Variants in SLC38A4 observed in about 807,000 individuals in gnomAD.
SLC38A4 encodes solute carrier family 38 member 4.
Under a neutral mutation model 63.1 loss-of-function variants are expected in SLC38A4, and 20 were observed. That is an observed-to-expected ratio of 0.32 (90% CI 0.22 to 0.46). The LOEUF is 0.46. Among genes scored for constraint, SLC38A4 ranks in the 20% least tolerant of loss-of-function variants. The probability of loss-of-function intolerance (pLI) is 1.00; values close to 1 mark genes in which losing one functional copy is unlikely to be tolerated. For synonymous variants in SLC38A4, 230 were observed against 225.5 expected (o/e 1.02, Z -0.18); for missense variants, 526 against 663.6 (o/e 0.79, Z 2.28).
chr12:46,801,406 T>C (rs1365384764), intron 2 of SLC38A4, among the ~76,000 whole-genome samples: 1 of 152,020 alleles, frequency 6.6e-6, no homozygotes, highest in Non-Finnish European at 1.5e-5. Context: ...AGTCCTTGAG[T>C]CGAGAAGCAA....
At chr12:46,819,883 A>C (rs1361220891) in intron 1 of SLC38A4, among the ~76,000 whole-genome samples, 1 of 151,942 alleles carries the variant, frequency 6.6e-6, no homozygotes, top group Non-Finnish European at 1.5e-5. Context: ...CAGAAGTATT[A>C]ATTAACTAGC....
chr12:46,792,091 C>G (rs1045497410), intron 3 of SLC38A4, among the ~76,000 whole-genome samples: 3 of 152,106 alleles, frequency 2.0e-5, no homozygotes, highest in East Asian at 1.9e-4. Flanking sequence ...GAAATTGATT[C>G]AATTTGCAAT....
chr12:46,784,588 C>T lies in SLC38A4; in HGVS notation c.447G>A (p.Pro149=), dbSNP rs181258900. ...TGGAAACAAAAGCTCCAATTTTTCC[C>T]GGCCATCCAAATGCCTTTTCTCCTA... The part of the protein sequence containing the change: ...EKLGEKAFGW[P]GKIGAFVSIT... Residue 149 remains proline (P), a synonymous_variant, in exon 7 of 17, where the codon CCG becomes CCA. Coordinates refer to ENST00000266579, the MANE Select transcript of SLC38A4 (RefSeq NM_018018.5). The T allele has an allele frequency of 4.3e-4, 689 of 1,612,764 alleles. 13 individuals are homozygous for T. In the Admixed American group the frequency reaches 0.01, roughly 24 times the overall value.
chr12:46,809,174 G>A (rs1939292997), intron 1 of SLC38A4, among the ~76,000 whole-genome samples: 1 of 151,990 alleles, frequency 6.6e-6, no homozygotes, highest in Non-Finnish European at 1.5e-5. Context: ...ATGCTGTGTG[G>A]ATAGACTTTA....
At chr12:46,769,764 C>T (rs1417319534) in intron 14 of SLC38A4, among the ~76,000 whole-genome samples, 1 of 152,040 alleles carries the variant, frequency 6.6e-6, no homozygotes, top group Non-Finnish European at 1.5e-5. Flanking sequence ...CATTATGTTA[C>T]AGGTACCTCC....
At chr12:46,810,289 T>C (rs902591678) in intron 1 of SLC38A4, among the ~76,000 whole-genome samples, 8 of 151,952 alleles carry the variant, frequency 5.3e-5, no homozygotes, top group South Asian at 2.1e-4. Flanking sequence ...AAGGTCCCTA[T>C]GTTGTTTCAA....
chr12:46,777,800 C>A (rs995324112), intron 12 of SLC38A4, among the ~76,000 whole-genome samples: 1 of 151,980 alleles, frequency 6.6e-6, no homozygotes, highest in African/African-American at 2.4e-5. Flanking sequence ...TAGCCAGTGA[C>A]TCTATTGTAC....
chr12:46,768,478 C>A, intron 15 of SLC38A4, 71 bp from the exon 16 acceptor site: 1 of 1,069,974 alleles, frequency 9.3e-7, no homozygotes, highest in Non-Finnish European at 1.4e-6. Context: ...TGCCAGCACA[C>A]ACTTTAAATA....
At chr12:46,778,798 GA>G (rs199983823) in intron 10 of SLC38A4, 22 bp from the exon 11 acceptor site, 62 of 1,541,366 alleles carry the variant, frequency 4.0e-5, no homozygotes, top group East Asian at 1.2e-4. Flanking sequence ...CATTAAAAAA[GA>G]AAAAAAAATC....
At chr12:46,828,732 C>T (rs958640997), upstream of SLC38A4, among the ~76,000 whole-genome samples, 1 of 152,172 alleles carries the variant, frequency 6.6e-6, no homozygotes, top group Non-Finnish European at 1.5e-5. Flanking sequence ...CTGGTATTTG[C>T]CCAGCACTGT....
chr12:46,827,344 C>T (rs12309262), upstream of SLC38A4, among the ~76,000 whole-genome samples: 1,970 of 152,246 alleles, frequency 0.013, 27 homozygotes, highest in East Asian at 0.064. Flanking sequence ...GAATTCCCTT[C>T]CTAATAACAT....
At chr12:46,768,271 G>A (rs765855207) in intron 16 of SLC38A4, 39 bp downstream of exon 16, 2 of 1,407,080 alleles carry the variant, frequency 1.4e-6, no homozygotes, top group Non-Finnish European at 2.0e-6. Context: ...GTAGTTGGAA[G>A]AACAACTAAT....
At chr12:46,821,710 T>G (rs1372894622) in intron 1 of SLC38A4, among the ~76,000 whole-genome samples, 1 of 152,138 alleles carries the variant, frequency 6.6e-6, no homozygotes, top group Non-Finnish European at 1.5e-5. Flanking sequence ...TATGATTATT[T>G]TTCCTATTTC....
At chr12:46,768,458 G>T in intron 15 of SLC38A4, 51 bp from the exon 16 acceptor site, 1 of 1,355,926 alleles carries the variant, frequency 7.4e-7, no homozygotes. Context: ...GCAGTTCCTA[G>T]CAAAGGAGAT....
At chr12:46,819,100 A>G (rs2120915291) in intron 1 of SLC38A4, among the ~76,000 whole-genome samples, 1 of 152,056 alleles carries the variant, frequency 6.6e-6, no homozygotes, top group African/African-American at 2.4e-5. Flanking sequence ...TGACATTTTA[A>G]AAGTCATGTA....
chr12:46,818,311 C>A (rs1179733044), intron 1 of SLC38A4, among the ~76,000 whole-genome samples: 1 of 151,816 alleles, frequency 6.6e-6, no homozygotes, highest in Non-Finnish European at 1.5e-5. Context: ...ACCTATGAAC[C>A]ACCTTTATAT....
chr12:46,776,851 G>C, intron 13 of SLC38A4, 53 bp downstream of exon 13: 5 of 1,520,002 alleles, frequency 3.3e-6, no homozygotes, highest in Non-Finnish European at 4.6e-6. Context: ...CCCAGGTCAA[G>C]GACCAGCCTA....
At chr12:46,803,067 TTTTC>T (rs1427367174) in intron 2 of SLC38A4, among the ~76,000 whole-genome samples, 3 of 152,168 alleles carry the variant, frequency 2.0e-5, no homozygotes, top group Middle Eastern at 3.4e-3. Flanking sequence ...ACACAACATT[TTTTC>T]TTTTTCATTT....
chr12:46,815,679 A>T (rs549580455), intron 1 of SLC38A4, among the ~76,000 whole-genome samples: 21 of 151,990 alleles, frequency 1.4e-4, no homozygotes, highest in African/African-American at 4.3e-4. Context: ...TTTTGAATTC[A>T]GAATAACGAT....
Sources: gnomAD v4.1 joint callset for allele counts (sites outside exome capture counted in the v4.1 genomes callset) on GRCh38, gnomAD v4.1.1 for gene constraint, MANE v1.5 for transcripts, NCBI Gene and HGNC (gene_info 2026-07-23, HGNC 2026-07-21) for gene names.